The following EPG5 variants were observed in gnomAD, a reference collection of about 807,000 sequenced individuals.
EPG5 encodes the protein ectopic P granules protein 5 homolog.
In EPG5, 159 loss-of-function variants were observed where a neutral mutation model predicts 302.7. That is an observed-to-expected ratio of 0.53 (90% CI 0.46 to 0.60). EPG5 has a LOEUF of 0.60. EPG5 is among the 20% of genes least tolerant of loss of function. EPG5 has a pLI of 0.00. For synonymous variants in EPG5, 1,158 were observed against 1,136.8 expected (o/e 1.02, Z -0.37); for missense variants, 2,896 against 3,092.4 (o/e 0.94, Z 1.51).
At chr18:45,873,274 G>A (rs2048908270) in intron 35 of EPG5, among the ~76,000 whole-genome samples, 1 of 152,200 alleles carries the variant, frequency 6.6e-6, no homozygotes, top group African/African-American at 2.4e-5. Flanking sequence ...CACTTTGGGA[G>A]GCCAAGGCAG....
the EPG5 span, among the ~76,000 whole-genome samples, chr18:45,816,049 C>T: frequency 2.6e-5 from 4 of 152,180 alleles, no homozygotes; most frequent in Non-Finnish European, 5.9e-5. Flanking sequence ...AAAGCACACC[C>T]TTTTCAACAA....
intron 27 of EPG5, among the ~76,000 whole-genome samples, chr18:45,894,981 T>C (rs2049438689): frequency 6.6e-6 from 1 of 152,072 alleles, no homozygotes. Context: ...GAGAGAGATA[T>C]GGACAGGAAA....
intron 11 of EPG5, 61 bp from the exon 12 acceptor site, chr18:45,930,891 C>T (rs1359999649): frequency 7.1e-7 from 1 of 1,402,118 alleles, no homozygotes. Context: ...CTTTTAATCA[C>T]TCTTCCAGAG....
intron 10 of EPG5, 99 bp downstream of exon 10, chr18:45,939,501 G>A (rs551337652): frequency 1.7e-5 from 20 of 1,198,838 alleles, no homozygotes; most frequent in Non-Finnish European, 2.2e-5. Flanking sequence ...AATACACTAA[G>A]AAACTATTAT....
chr18:45,825,275 G>C, the EPG5 span, among the ~76,000 whole-genome samples: 115 of 148,290 alleles, frequency 7.8e-4, no homozygotes, highest in African/African-American at 2.8e-3. Flanking sequence ...AGGGAGGATG[G>C]GATGGAAGAA....
intron 14 of EPG5, among the ~76,000 whole-genome samples, chr18:45,925,372 C>T (rs539657801): frequency 1.3e-5 from 2 of 152,280 alleles, no homozygotes; most frequent in East Asian, 3.9e-4. Context: ...ACTTAGGAGG[C>T]TGATGCAGGA....
the EPG5 span, among the ~76,000 whole-genome samples, chr18:45,834,291 G>C: frequency 6.6e-6 from 1 of 152,192 alleles, no homozygotes; most frequent in African/African-American, 2.4e-5. Flanking sequence ...GTGACTGAGA[G>C]GCAGGTACCA....
At chr18:45,814,349 G>A in the EPG5 span, among the ~76,000 whole-genome samples, 1 of 152,140 alleles carries the variant, frequency 6.6e-6, no homozygotes, top group African/African-American at 2.4e-5. Flanking sequence ...ATAAAGGCTC[G>A]AGAAATGTTC....
intron 4 of EPG5, among the ~76,000 whole-genome samples, chr18:45,950,671 A>C (rs553292339): frequency 5.3e-5 from 8 of 152,334 alleles, no homozygotes; most frequent in Admixed American, 5.2e-4. Flanking sequence ...GTAATTCTGT[A>C]CCTGAGACAA....
chr18:45,907,078 A>T (rs1024630126), intron 24 of EPG5: 14 of 152,258 alleles, frequency 9.2e-5, no homozygotes, highest in African/African-American at 3.1e-4. Context: ...CTTAGAAGAC[A>T]CTCAGTAAAT....
intron 36 of EPG5, among the ~76,000 whole-genome samples, chr18:45,870,201 T>C (rs936850224): frequency 5.3e-5 from 8 of 152,174 alleles, no homozygotes; most frequent in African/African-American, 1.9e-4. Context: ...TTTGCTTTAA[T>C]AGGACATTTA....
intron 14 of EPG5, 117 bp downstream of exon 14, chr18:45,925,621 A>G (rs2050249863): frequency 1.4e-6 from 1 of 739,730 alleles, no homozygotes; most frequent in South Asian, 4.7e-5. Flanking sequence ...ACACAGCTAC[A>G]AAGAATTTGT....
chr18:45,900,743 T>C (rs2049595360), intron 26 of EPG5, among the ~76,000 whole-genome samples: 2 of 152,224 alleles, frequency 1.3e-5, no homozygotes, highest in Non-Finnish European at 2.9e-5. Flanking sequence ...AAATCTTAGC[T>C]GGCACTGCTG....
chr18:45,807,298 G>A, the EPG5 span, among the ~76,000 whole-genome samples: 1 of 152,104 alleles, frequency 6.6e-6, no homozygotes, highest in African/African-American at 2.4e-5. Flanking sequence ...TATCCACCCT[G>A]GTAATTGAAG....
intron 28 of EPG5, among the ~76,000 whole-genome samples, chr18:45,888,714 A>G (rs765697332): frequency 6.6e-6 from 1 of 152,176 alleles, no homozygotes; most frequent in Non-Finnish European, 1.5e-5. Flanking sequence ...TGCTGGGATT[A>G]CAGGCGTGAG....
the EPG5 span, chr18:45,837,741 T>C: frequency 1.3e-6 from 2 of 1,511,076 alleles, no homozygotes; most frequent in Non-Finnish European, 1.8e-6. Context: ...CACGGCCGCT[T>C]CCGGCTGCTG....
At chr18:45,837,196 G>A in the EPG5 span, 1 of 1,518,398 alleles carries the variant, frequency 6.6e-7, no homozygotes, top group African/African-American at 1.4e-5. Flanking sequence ...AAAAACTAAG[G>A]GTAAGAATAT....
chr18:45,857,836 G>A lies in EPG5; in HGVS notation c.7442+17C>T. On this transcript the variant is annotated intron_variant, in intron 42 of 43. Transcript: ENST00000282041. ...AGGCCTATTTAGAACAACAGTGTTA[G>A]AAAGGCGCTTCCTTACCTGTTAGAC... is the stretch of plus-strand genomic sequence containing the variant. 6.2e-7 allele frequency: 1 copy of A among 1,608,908 alleles called. No individual in the cohort carries two copies. The highest frequency in any genetic ancestry group is 1.1e-5 in the South Asian group (1 of 90,926).
chr18:45,961,129 C>G (rs2143882866), intron 1 of EPG5, among the ~76,000 whole-genome samples: 1 of 152,316 alleles, frequency 6.6e-6, no homozygotes, highest in East Asian at 1.9e-4. Context: ...TTCTCTCTGA[C>G]AATCCTGGCC....
Sources: gnomAD v4.1 joint callset for allele counts (sites outside exome capture counted in the v4.1 genomes callset) on GRCh38, gnomAD v4.1.1 for gene constraint, MANE v1.5 for transcripts, NCBI Gene and HGNC (gene_info 2026-07-23, HGNC 2026-07-21) for gene names.